The following ZNF160 variants were observed in gnomAD, a reference collection of about 807,000 sequenced individuals.
The protein encoded by ZNF160 is zinc finger protein 160, also known as KRAB zinc finger protein KR18.
In ZNF160, 9 loss-of-function variants were observed where a neutral mutation model predicts 13.1. That is an observed-to-expected ratio of 0.69 (90% CI 0.41 to 1.20). ZNF160 has a LOEUF of 1.20. ZNF160 is among the 50% of genes most tolerant of loss of function. ZNF160 has a pLI of 0.01. For missense variants in ZNF160, 838 were observed against 988.0 expected (o/e 0.85, Z 2.04); for synonymous variants, 293 against 333.2 (o/e 0.88, Z 1.31).
chr19:53,099,519 G>C (rs914530911), intron 1 of ZNF160, among the ~76,000 whole-genome samples: 3 of 152,120 alleles, frequency 2.0e-5, no homozygotes, highest in Non-Finnish European at 2.9e-5. Context: ...TCCCTACCAG[G>C]GACTGACATG....
intron 5 of ZNF160, chr19:53,073,504 G>C: frequency 6.3e-7 from 1 of 1,597,390 alleles, no homozygotes; most frequent in African/African-American, 1.3e-5. Context: ...CATCTCCTGA[G>C]CAGGTCTTCC....
At position 53,089,903 on chromosome 19, in the gene ZNF160, C is replaced by T. The variant is rs1455521993; in HGVS notation, c.-46+1510G>A. Among the ~76,000 whole-genome samples, 4 of 151,828 alleles carry T rather than the reference C, an allele frequency of 2.6e-5. No individual in the cohort carries two copies. In the South Asian group the frequency reaches 8.3e-4, roughly 32 times the overall value. On this transcript the variant is annotated intron_variant, in intron 2 of 5. Transcript: ENST00000683776. ...CTGCTCTTTCTCCCCTTCTTCCCTC[C>T]ATTCCTTCTCTTCCCCCTGTTCTGC...
At position 53,068,165 on chromosome 19, in the gene ZNF160, T is replaced by C. The variant is rs768119397; in HGVS notation, c.2369A>G (p.Lys790Arg). 1 of 1,614,078 alleles carries C rather than the reference T, an allele frequency of 6.2e-7. No individual in the cohort carries two copies. Among genetic ancestry groups the C allele is most frequent in the African/African-American group, 1.3e-5 (1 of 74,934 alleles). Residue 790 changes from lysine to arginine, a missense_variant, in exon 6 of 6, where the codon AAA (lysine) becomes AGA (arginine). Physicochemically the swap from Lys to Arg is conservative, Grantham distance 26. Transcript: ENST00000683776. ...GAAGACCTTGCCACACTCATTACAT[T>C]TGTAACGCTTTTCTCCAGTGTGGAT... ...MAIHTGEKRY[K>R]CNECGKVFRQ...
chr19:53,067,677 C>T lies in ZNF160; in HGVS notation c.*400G>A. 6.2e-6 allele frequency: 1 copy of T among 160,070 alleles called. No individual in the cohort carries two copies. Among genetic ancestry groups the T allele is most frequent in the Non-Finnish European group, 1.4e-5 (1 of 73,504 alleles). 9.9% of individuals were successfully genotyped at this position (160,070 alleles called of 1,614,324 possible). A position where few individuals can be genotyped will look rare whatever the true frequency, so the allele number is the denominator to read the frequency against. ...CTGACTGCCTACAAATATCCTGCAA[C>T]CTTTTCGTATGTGAGTTAAAAATAT... is the stretch of plus-strand genomic sequence containing the variant. On this transcript the variant is annotated 3_prime_UTR_variant, in exon 6 of 6. Transcript: ENST00000683776.
chr19:53,081,042 C>T (rs1478936392), intron 3 of ZNF160, among the ~76,000 whole-genome samples: 2 of 152,142 alleles, frequency 1.3e-5, no homozygotes, highest in African/African-American at 4.8e-5. Flanking sequence ...AACTGGATCC[C>T]TATCTCTCAC....
rs1249845682 is a variant in ZNF160 at position 53,067,377 on chromosome 19, T to C, written c.*700A>G. 2.6e-5 allele frequency: 4 copies of C among 152,230 alleles called. No individual in the cohort carries two copies. The highest frequency in any genetic ancestry group is 4.4e-5 in the Non-Finnish European group (3 of 68,032). 9.4% of individuals were successfully genotyped at this position (152,230 alleles called of 1,614,324 possible). ...TGGTGAGTGACATCATAGTTTTACA[T>C]TGTTTTTCGCCACTCCCAAATGCTA... On this transcript the variant is annotated 3_prime_UTR_variant, in exon 6 of 6. Transcript: ENST00000683776.
At chr19:53,073,571 T>C (rs1438749092) in intron 5 of ZNF160, 7 of 1,515,116 alleles carry the variant, frequency 4.6e-6, no homozygotes, top group East Asian at 2.4e-5. Context: ...CTAAGGACTA[T>C]GGAGGCTTCC....
chr19:53,095,759 G>C (rs547563111), intron 1 of ZNF160: 1 of 151,132 alleles, frequency 6.6e-6, no homozygotes, highest in Non-Finnish European at 1.5e-5. Context: ...CTCATCTCCC[G>C]TGGAATCCTA....
chr19:53,103,154 A>G (rs1356032320), intron 1 of ZNF160, 111 bp downstream of exon 1: 1 of 152,050 alleles, frequency 6.6e-6, no homozygotes, highest in African/African-American at 2.4e-5. Flanking sequence ...AAACCGGGAA[A>G]GGCCGTGTTT....
intron 3 of ZNF160, 131 bp downstream of exon 3, chr19:53,086,131 G>A: frequency 7.5e-7 from 1 of 1,339,954 alleles, no homozygotes; most frequent in Non-Finnish European, 1.1e-6. Flanking sequence ...GAGAGGGACT[G>A]AGGGAAGGCG....
intron 3 of ZNF160, among the ~76,000 whole-genome samples, chr19:53,081,355 AC>A (rs1432751251): frequency 6.6e-6 from 1 of 152,158 alleles, no homozygotes; most frequent in Non-Finnish European, 1.5e-5. Flanking sequence ...ATACTTGCAA[AC>A]TACGCATCTG....
intron 5 of ZNF160, chr19:53,073,171 C>T (rs2084244566): frequency 1.4e-5 from 20 of 1,406,774 alleles, no homozygotes; most frequent in Non-Finnish European, 1.8e-5. Flanking sequence ...CTACTCTTTG[C>T]TGCTATTAGT....
At chr19:53,086,444 G>T in intron 2 of ZNF160, 123 bp from the exon 3 acceptor site, 2 of 748,520 alleles carry the variant, frequency 2.7e-6, no homozygotes, top group Non-Finnish European at 3.9e-6. Flanking sequence ...TCACCCTGTG[G>T]AAAGATGGTC....
At chr19:53,070,614 C>T (rs559015448) in intron 5 of ZNF160, among the ~76,000 whole-genome samples, 2 of 152,144 alleles carry the variant, frequency 1.3e-5, no homozygotes, top group South Asian at 4.2e-4. Flanking sequence ...CGGGGTTTCA[C>T]CATGTTAGCC....
intron 5 of ZNF160, among the ~76,000 whole-genome samples, 172 bp from the exon 6 acceptor site, chr19:53,070,434 G>C (rs547162499): frequency 1.3e-5 from 2 of 150,312 alleles, no homozygotes; most frequent in East Asian, 3.9e-4. Flanking sequence ...TTTTTGAGAC[G>C]GAGTCTCGCT....
chr19:53,071,240 G>A (rs780058888), intron 5 of ZNF160, among the ~76,000 whole-genome samples: 2 of 151,774 alleles, frequency 1.3e-5, no homozygotes, highest in African/African-American at 4.8e-5. Flanking sequence ...GCATGTGCCT[G>A]CAATTCTGGA....
rs551440981 is a variant in ZNF160, at chr19:53,078,082, T to C, written c.16-2899A>G. On this transcript the variant is annotated intron_variant, in intron 3 of 5. Transcript: ENST00000683776. ...TGATGAAACCTCATCTCTACAAAAA[T>C]ACAAAAACTTAGCTGGGCATGGTGG... Among the ~76,000 whole-genome samples the C allele has an allele frequency of 6.0e-4, 91 of 151,896 alleles. No individual in the cohort carries two copies. In the South Asian group the frequency reaches 0.014, roughly 24 times the overall value.
chr19:53,103,070 C>T (rs1436476941), intron 1 of ZNF160, among the ~76,000 whole-genome samples, 195 bp downstream of exon 1: 1 of 152,104 alleles, frequency 6.6e-6, no homozygotes, highest in Non-Finnish European at 1.5e-5. Context: ...GCGGTGAGGA[C>T]TTTAAGCGAT....
intron 1 of ZNF160, among the ~76,000 whole-genome samples, chr19:53,101,124 C>T (rs1188926046): frequency 6.7e-6 from 1 of 149,004 alleles, no homozygotes. Context: ...ACTAAAAATA[C>T]AAAAAATTAG....
Sources: allele counts gnomAD v4.1 joint callset (sites outside exome capture counted in the v4.1 genomes callset), GRCh38; gene constraint gnomAD v4.1.1; transcripts MANE v1.5; gene names NCBI Gene and HGNC (gene_info 2026-07-23, HGNC 2026-07-21).